TMEM38B: variants seen among roughly 807,000 people sequenced by gnomAD.
TMEM38B encodes the protein trimeric intracellular cation channel type B.
In TMEM38B, 24 loss-of-function variants were observed where a neutral mutation model predicts 28.7. The ratio of observed to expected loss-of-function variants is 0.84; its 90% CI spans 0.61 to 1.18. The LOEUF (loss-of-function observed/expected upper bound fraction) is 1.18. Among genes scored for constraint, TMEM38B ranks in the 50% most tolerant of loss-of-function variants. TMEM38B has a pLI of 0.00. For missense variants in TMEM38B, 380 were observed against 350.9 expected, an observed-to-expected ratio of 1.08 and a Z score of -0.66; for synonymous variants, 131 against 127.7, an observed-to-expected ratio of 1.03 and a Z score of -0.17.
intron 1 of TMEM38B, among the ~76,000 whole-genome samples, chr9:105,704,051 A>G (rs9777134): frequency 0.21 from 29,858 of 144,870 alleles, 4,736 homozygotes; most frequent in East Asian, 0.47. Context: ...ATGGACACAG[A>G]AAGGGGAATA....
At chr9:105,706,228 C>T (rs1347924650) in intron 2 of TMEM38B, among the ~76,000 whole-genome samples, 3 of 152,146 alleles carry the variant, frequency 2.0e-5, no homozygotes, top group Non-Finnish European at 4.4e-5. Flanking sequence ...TAAAGTATAT[C>T]TCTTTCTTTT....
At position 105,773,857 on chromosome 9, in the gene TMEM38B, TC is replaced by T; in HGVS notation, c.661-3del. 2 of 1,593,612 alleles carry T rather than the reference TC, an allele frequency of 1.3e-6. No individual in the cohort carries two copies. Among genetic ancestry groups the T allele is most frequent in the Non-Finnish European group, 1.7e-6 (2 of 1,169,560 alleles). Reference sequence around the variant, plus strand: ...ATTTAAATTCAAAATTAAACTTTTTTCCCCCAGATAACCATGATGACTACAC... The same window carrying T: ...ATTTAAATTCAAAATTAAACTTTTTTCCCCAGATAACCATGATGACTACAC... On this transcript the variant is annotated splice_polypyrimidine_tract_variant and splice_region_variant and intron_variant, in intron 5 of 5. Coordinates refer to ENST00000374692, the MANE Select transcript of TMEM38B (RefSeq NM_018112.3).
intron 2 of TMEM38B, among the ~76,000 whole-genome samples, chr9:105,712,093 T>C (rs925097517): frequency 1.3e-5 from 2 of 152,152 alleles, no homozygotes; most frequent in African/African-American, 4.8e-5. Flanking sequence ...TTTTCTATTT[T>C]TAGTGCAGCC....
rs1837949844 is a variant in TMEM38B at position 105,759,302 on chromosome 9, GTC to G, written c.660+11114_660+11115del. 3.6e-6 allele frequency: 3 copies of G among 827,384 alleles called. No individual in the cohort carries two copies. The Admixed American group carries it at 5.9e-5, about 16-fold the overall frequency. The allele number at this position is 827,384 out of a possible 1,614,324, so 51.3% of individuals were successfully genotyped here. A position where few individuals can be genotyped will look rare whatever the true frequency, so the allele number is the denominator to read the frequency against. ...TACATAGAATCCAAGATGATCCACA[GTC>G]TTAAAAATTCCTTCACAATTTGAAT... On this transcript the variant is annotated intron_variant, in intron 5 of 5. Transcript: ENST00000374692.
intron 1 of TMEM38B, 56 bp downstream of exon 1, chr9:105,694,828 CG>C: frequency 3.5e-6 from 1 of 289,752 alleles, no homozygotes; most frequent in Non-Finnish European, 5.8e-6. Context: ...CGGCGAGGAC[CG>C]TCTAAGTCGG....
At chr9:105,773,840 T>C in intron 5 of TMEM38B, 25 bp from the exon 6 acceptor site, 1 of 1,585,420 alleles carries the variant, frequency 6.3e-7, no homozygotes, top group Non-Finnish European at 8.6e-7. Flanking sequence ...GTATTTAAAT[T>C]CAAAATTAAA....
At chr9:105,737,074 C>G (rs1837012205) in intron 4 of TMEM38B, among the ~76,000 whole-genome samples, 1 of 152,190 alleles carries the variant, frequency 6.6e-6, no homozygotes, top group African/African-American at 2.4e-5. Flanking sequence ...CACAGCAGTG[C>G]TGGGCTGCAG....
intron 5 of TMEM38B, chr9:105,748,980 A>T: frequency 9.6e-7 from 1 of 1,043,710 alleles, no homozygotes; most frequent in Non-Finnish European, 1.3e-6. Context: ...CTAAAAACTT[A>T]TCTACAGGAT....
chr9:105,716,551 A>G (rs961272935), intron 2 of TMEM38B, among the ~76,000 whole-genome samples: 1 of 146,708 alleles, frequency 6.8e-6, no homozygotes, highest in Non-Finnish European at 1.5e-5. Context: ...ACCCACTTGC[A>G]TTTTGGGGTT....
At chr9:105,694,889 G>A (rs1329470382) in intron 1 of TMEM38B, 117 bp downstream of exon 1, 1 of 810,164 alleles carries the variant, frequency 1.2e-6, no homozygotes, top group Non-Finnish European at 2.0e-6. Context: ...AGCCCAGACA[G>A]TTCGATGGTA....
At chr9:105,760,031 C>T (rs1837980470) in intron 5 of TMEM38B, 1 of 1,364,776 alleles carries the variant, frequency 7.3e-7, no homozygotes, top group South Asian at 1.3e-5. Flanking sequence ...ATAGAATTTT[C>T]AGAAAATTCT....
At chr9:105,768,400 T>G (rs537439248) in intron 5 of TMEM38B, among the ~76,000 whole-genome samples, 2 of 152,256 alleles carry the variant, frequency 1.3e-5, no homozygotes, top group South Asian at 4.1e-4. Flanking sequence ...CTGTAATTTT[T>G]TTCTCCTTTT....
chr9:105,770,327 A>G (rs1826503398), intron 5 of TMEM38B, among the ~76,000 whole-genome samples: 2 of 152,162 alleles, frequency 1.3e-5, no homozygotes, highest in Non-Finnish European at 1.5e-5. Flanking sequence ...CATCCTTAGC[A>G]TTGAGTCTAG....
intron 4 of TMEM38B, among the ~76,000 whole-genome samples, chr9:105,746,061 C>T (rs140022865): frequency 4.6e-5 from 7 of 151,980 alleles, no homozygotes; most frequent in Non-Finnish European, 5.9e-5. Context: ...CTTGGCAATG[C>T]GGGCTCTTTT....
At chr9:105,773,550 A>T (rs1826628548) in intron 5 of TMEM38B, among the ~76,000 whole-genome samples, 1 of 152,174 alleles carries the variant, frequency 6.6e-6, no homozygotes, top group African/African-American at 2.4e-5. Flanking sequence ...CTTCGTTCTG[A>T]CACATGTTAA....
At chr9:105,746,061 C>G (rs140022865) in intron 4 of TMEM38B, among the ~76,000 whole-genome samples, 15,912 of 152,066 alleles carry the variant, frequency 0.1, 1,296 homozygotes, top group East Asian at 0.46. Context: ...CTTGGCAATG[C>G]GGGCTCTTTT....
chr9:105,770,984 T>A (rs939343702), intron 5 of TMEM38B, among the ~76,000 whole-genome samples: 2 of 152,190 alleles, frequency 1.3e-5, no homozygotes, highest in Admixed American at 1.3e-4. Flanking sequence ...ATATTGTGTG[T>A]CACATTTTAC....
chr9:105,725,841 A>G (rs926950886), intron 4 of TMEM38B, among the ~76,000 whole-genome samples: 3 of 152,194 alleles, frequency 2.0e-5, no homozygotes, highest in Admixed American at 1.3e-4. Context: ...GTGAAGACCT[A>G]GGACATTAGT....
chr9:105,762,741 A>C (rs1413542694), intron 5 of TMEM38B, among the ~76,000 whole-genome samples: 1 of 148,250 alleles, frequency 6.7e-6, no homozygotes, highest in African/African-American at 2.5e-5. Flanking sequence ...TCTTTATAGC[A>C]GCATGATTTA....
Sources: gnomAD v4.1 joint callset for allele counts (sites outside exome capture counted in the v4.1 genomes callset) on GRCh38, gnomAD v4.1.1 for gene constraint, MANE v1.5 for transcripts, NCBI Gene and HGNC (gene_info 2026-07-23, HGNC 2026-07-21) for gene names.